The following SHROOM2 variants were observed in gnomAD, a reference collection of about 807,000 sequenced individuals.
SHROOM2 encodes shroom family member 2.
Under a neutral mutation model 75.9 loss-of-function variants are expected in SHROOM2, and 33 were observed. That is an observed-to-expected ratio of 0.43 (90% CI 0.33 to 0.58). The LOEUF is 0.58. Among genes scored for constraint, SHROOM2 ranks in the 20% least tolerant of loss-of-function variants. SHROOM2 has a pLI of 0.04. For synonymous variants in SHROOM2, 655 were observed against 663.6 expected, an observed-to-expected ratio of 0.99 and a Z score of 0.20; for missense variants, 1,434 against 1,461.2, an observed-to-expected ratio of 0.98 and a Z score of 0.30.
intron 1 of SHROOM2, among the ~76,000 whole-genome samples, chrX:9,844,513 A>G (rs764079958): frequency 4.5e-5 from 5 of 110,043 alleles, no homozygotes; most frequent in Non-Finnish European, 7.6e-5. Flanking sequence ...CCCTGTCTCA[A>G]AAAAATAAAA....
intron 1 of SHROOM2, among the ~76,000 whole-genome samples, chrX:9,805,260 AAAAT>A (rs2083745245): frequency 8.9e-6 from 1 of 111,872 alleles, no homozygotes; most frequent in Non-Finnish European, 1.9e-5. Flanking sequence ...AAAAAATAAA[AAAAT>A]AAAAGAATCC....
intron 1 of SHROOM2, among the ~76,000 whole-genome samples, chrX:9,799,743 A>T (rs994136899): frequency 3.6e-5 from 4 of 110,306 alleles, no homozygotes; most frequent in African/African-American, 1.3e-4. Context: ...GATAACGTGC[A>T]TCTGTTTGCA....
At position 9,895,615 on chromosome X, in the gene SHROOM2, C is replaced by T; in HGVS notation, c.1707C>T (p.Ile569=). The change falls in exon 4 of 10, where the codon ATC becomes ATT. Residue 569 remains isoleucine, a synonymous_variant. Coordinates refer to ENST00000380913, the MANE Select transcript of SHROOM2 (RefSeq NM_001649.4). Reference sequence around the variant, plus strand: ...CCAGCCAGAGGCTGGCAGCCAGCATCACGTGGGCAGATGGGGAGAGCAGCA... The same window carrying T: ...CCAGCCAGAGGCTGGCAGCCAGCATTACGTGGGCAGATGGGGAGAGCAGCA... ...EKASQRLAAS[I]TWADGESSRI... 1 of 1,163,949 alleles carries T rather than the reference C, an allele frequency of 8.6e-7. No individual in the cohort carries two copies. Among genetic ancestry groups the T allele is most frequent in the Non-Finnish European group, 1.1e-6 (1 of 874,398 alleles).
At chrX:9,865,730 T>G (rs2084132860) in intron 1 of SHROOM2, among the ~76,000 whole-genome samples, 1 of 108,909 alleles carries the variant, frequency 9.2e-6, no homozygotes, top group African/African-American at 3.4e-5. Flanking sequence ...CTGGATAATT[T>G]TTTGTATTTT....
chrX:9,875,094 AAAAAAAAAAAAAAAAAG>A (rs1256400898), intron 2 of SHROOM2, among the ~76,000 whole-genome samples: 2 of 98,310 alleles, frequency 2.0e-5, no homozygotes, highest in African/African-American at 7.1e-5. Context: ...AAAAAAAAAA[AAAAAAAAAAAAAAAAAG>A]GGGAGGAAGG....
chrX:9,856,024 CTTT>C (rs35234850), intron 1 of SHROOM2, among the ~76,000 whole-genome samples: 1 of 84,285 alleles, frequency 1.2e-5, no homozygotes. Flanking sequence ...AGAATGTTTC[CTTT>C]TTTTTTTTTT....
intron 1 of SHROOM2, among the ~76,000 whole-genome samples, chrX:9,830,584 CTTTTTTTTTTTTTT>C (rs1166769024): frequency 0.027 from 898 of 33,647 alleles, 25 homozygotes; most frequent in African/African-American, 0.1. Flanking sequence ...CCCCTGGTTT[CTTTTTTTTTTTTTT>C]TTTTTTTTTT....
At position 9,820,683 on chromosome X, in the gene SHROOM2, A is replaced by G. The variant is rs191470176; in HGVS notation, c.165+33973A>G. Among the ~76,000 whole-genome samples the G allele has an allele frequency of 2.8e-3, 309 of 112,014 alleles. 2 individuals are homozygous for G. The highest frequency in any genetic ancestry group is 9.3e-3 in the African/African-American group (287 of 30,853). On this transcript the variant is annotated intron_variant, in intron 1 of 9. Transcript: ENST00000380913. ...CCTGGCCTTCCTTTTTCTTTTGAAA[A>G]AATCCTTAGGTTTTAATAAAATTCC...
In SHROOM2 at chrX:9,895,527, A is replaced by T; in HGVS notation, c.1619A>T (p.Lys540Ile). ...RETGRCYPLD[K>I]GAEGCSAGAQ... ...ACAGGACGGTGTTACCCGCTGGACA[A>T]AGGGGCCGAGGGCTGCTCCGCGGGA... The change falls in exon 4 of 10, where the codon AAA becomes ATA. Residue 540 changes from lysine to isoleucine, a missense_variant. Lys to Ile is a moderately radical substitution (Grantham distance 102, BLOSUM62 -3). Transcript: ENST00000380913. The T allele has an allele frequency of 8.4e-7, 1 of 1,195,180 alleles. No homozygotes were observed.
intron 1 of SHROOM2, among the ~76,000 whole-genome samples, chrX:9,805,021 G>C (rs1444881983): frequency 4.6e-5 from 5 of 108,992 alleles, no homozygotes; most frequent in African/African-American, 1.7e-4. Flanking sequence ...GATCATTTGA[G>C]GTCAGGAGTT....
chrX:9,902,274 G>A (rs1406813040), intron 5 of SHROOM2, among the ~76,000 whole-genome samples: 3 of 109,144 alleles, frequency 2.7e-5, no homozygotes, highest in African/African-American at 1.0e-4. Flanking sequence ...TGAAAGGGAG[G>A]GTGAGTGGGT....
intron 5 of SHROOM2, among the ~76,000 whole-genome samples, chrX:9,898,913 G>A (rs1028322398): frequency 2.7e-5 from 3 of 111,384 alleles, no homozygotes; most frequent in Admixed American, 9.5e-5. Context: ...CGCCGTAGCC[G>A]CTTAGTTGAG....
intron 1 of SHROOM2, among the ~76,000 whole-genome samples, chrX:9,828,158 G>A (rs2083897823): frequency 8.9e-6 from 1 of 112,823 alleles, no homozygotes; most frequent in Non-Finnish European, 1.9e-5. Flanking sequence ...GAGAGAGCAG[G>A]CAAGAGCAGG....
intron 1 of SHROOM2, among the ~76,000 whole-genome samples, chrX:9,815,446 GTGTGTGTGT>G (rs2083814302): frequency 9.6e-5 from 8 of 83,306 alleles, no homozygotes; most frequent in Non-Finnish European, 1.5e-4. Context: ...GTGTGTGTGT[GTGTGTGTGT>G]GTGTGTGTGT....
At chrX:9,846,637 C>G (rs1344864832) in intron 1 of SHROOM2, among the ~76,000 whole-genome samples, 1 of 112,024 alleles carries the variant, frequency 8.9e-6, no homozygotes, top group African/African-American at 3.2e-5. Context: ...GATATGTTGC[C>G]CAGGCCGCTC....
chrX:9,822,162 G>T (rs949725375), intron 1 of SHROOM2, among the ~76,000 whole-genome samples: 2 of 112,027 alleles, frequency 1.8e-5, no homozygotes, highest in South Asian at 7.5e-4. Context: ...GCCTGGGAAA[G>T]AGTGTGTGTT....
At chrX:9,924,974 A>G (rs1194882106) in intron 5 of SHROOM2, among the ~76,000 whole-genome samples, 3 of 111,450 alleles carry the variant, frequency 2.7e-5, no homozygotes, top group South Asian at 7.6e-4. Flanking sequence ...TGGTATGTCT[A>G]AGGAGAGTGT....
chrX:9,812,249 C>G (rs1378597777), intron 1 of SHROOM2, among the ~76,000 whole-genome samples: 6 of 112,022 alleles, frequency 5.4e-5, no homozygotes. Context: ...ATCTGCCACT[C>G]TCACCTCAGG....
chrX:9,914,978 T>G lies in SHROOM2; in HGVS notation c.2891+16688T>G, dbSNP rs1255305955. 4.5e-5 allele frequency among the ~76,000 whole-genome samples: 5 copies of G among 111,950 alleles called. No individual in the cohort carries two copies. The Admixed American group carries it at 4.7e-4, about 11-fold the overall frequency. On this transcript the variant is annotated intron_variant, in intron 5 of 9. Coordinates refer to ENST00000380913, the MANE Select transcript of SHROOM2 (RefSeq NM_001649.4). ...AGTGAGAAGGAATTTCAGTTTGGAC[T>G]TCTGGGAGTGAAGTACAGAAACCCG...
Sources: allele counts gnomAD v4.1 joint callset (sites outside exome capture counted in the v4.1 genomes callset), GRCh38; gene constraint gnomAD v4.1.1; transcripts MANE v1.5; gene names NCBI Gene and HGNC (gene_info 2026-07-23, HGNC 2026-07-21).